Variants in OSBP2 observed in about 807,000 individuals in gnomAD.
OSBP2 encodes the protein oxysterol-binding protein 2.
Under a neutral mutation model 96.0 loss-of-function variants are expected in OSBP2, and 66 were observed. The ratio of observed to expected loss-of-function variants is 0.69; its 90% CI spans 0.56 to 0.84. OSBP2 has a LOEUF of 0.84. OSBP2 is among the 40% of genes least tolerant of loss of function. The probability of loss-of-function intolerance (pLI) is 0.00; values close to 1 mark genes in which losing one functional copy is unlikely to be tolerated. For synonymous variants in OSBP2, 525 were observed against 520.9 expected (o/e 1.01, Z -0.11); for missense variants, 1,038 against 1,222.7 (o/e 0.85, Z 2.25).
chr22:30,897,441 A>G (rs1458808578), intron 12 of OSBP2, among the ~76,000 whole-genome samples: 1 of 152,228 alleles, frequency 6.6e-6, no homozygotes, highest in Non-Finnish European at 1.5e-5. Context: ...GCAAAAACTG[A>G]TTGTGTAGTA....
intron 2 of OSBP2, among the ~76,000 whole-genome samples, chr22:30,860,463 C>G (rs17820330): frequency 0.14 from 21,632 of 152,262 alleles, 1,765 homozygotes; most frequent in Admixed American, 0.21. Flanking sequence ...TGCTGTCAAA[C>G]AGGGCTCAGG....
At chr22:30,708,325 T>C (rs985513014) in intron 1 of OSBP2, among the ~76,000 whole-genome samples, 1 of 152,128 alleles carries the variant, frequency 6.6e-6, no homozygotes, top group Non-Finnish European at 1.5e-5. Flanking sequence ...AATAGCATAA[T>C]GAAACCCCAT....
Position 30,870,605 on chromosome 22 carries a change from T to C in OSBP2, c.1030T>C (p.Ser344Pro), listed in dbSNP as rs367883542. Residue 344 changes from serine (S) to proline (P), a missense_variant, in exon 3 of 14, where the codon TCT becomes CCT. This residue lies in a region of OSBP2 where 737 missense variants were observed against 913.3 expected (regional missense o/e 0.81). Transcript: ENST00000332585. This position sits in a 1 kb window ranked among gnomAD's most constrained non-coding sequence, Gnocchi z 4.1. The part of the protein sequence containing the change: ...LTELDGLKIP[S>P]ESGEKLKVVN... The stretch of plus-strand genomic sequence containing the variant: ...AGAGCTGGACGGCCTCAAGATCCCA[T>C]CTGAGAGTGGGGAGAAGCTGAAGGT... The C allele has an allele frequency of 3.1e-6, 5 of 1,613,808 alleles. No individual in the cohort carries two copies. The highest frequency in any genetic ancestry group is 4.2e-6 in the Non-Finnish European group (5 of 1,179,898).
chr22:30,701,225 T>G (rs1436978796), intron 1 of OSBP2, among the ~76,000 whole-genome samples: 5 of 152,158 alleles, frequency 3.3e-5, no homozygotes, highest in Non-Finnish European at 7.3e-5. Context: ...GGATAGATTG[T>G]GTACTCACCC....
At chr22:30,750,094 T>C (rs1409576935) in intron 2 of OSBP2, among the ~76,000 whole-genome samples, 3 of 152,170 alleles carry the variant, frequency 2.0e-5, no homozygotes, top group African/African-American at 4.8e-5. Flanking sequence ...TGGGCTAAGT[T>C]TGCATTTCTC....
chr22:30,906,256 G>C lies in OSBP2; in HGVS notation c.2668G>C (p.Gly890Arg), dbSNP rs200815730. The change falls in exon 14 of 14, where the codon GGG becomes CGG. Residue 890 changes from glycine (G) to arginine (R), a missense_variant. This residue lies in a region of OSBP2 where 737 missense variants were observed against 913.3 expected (regional missense o/e 0.81). Coordinates refer to ENST00000332585, the MANE Select transcript of OSBP2 (RefSeq NM_030758.4). ...WFEKRLDPLT[G>R]EMACVYKGGY... is the part of the protein sequence containing the mutation. ...TGAGAAGAGGCTGGATCCGCTGACC[G>C]GGGAGATGGCCTGTGTGTACAAGGG... 1.8e-5 allele frequency: 29 copies of C among 1,614,152 alleles called. No homozygotes were observed. In the Admixed American group the frequency reaches 3.2e-4, roughly 18 times the overall value.
At chr22:30,842,001 A>G (rs2038762372) in intron 2 of OSBP2, among the ~76,000 whole-genome samples, 2 of 152,026 alleles carry the variant, frequency 1.3e-5, no homozygotes, top group Admixed American at 6.5e-5. Flanking sequence ...GCTGGAGTGC[A>G]GTGGAGAGGT....
intron 3 of OSBP2, among the ~76,000 whole-genome samples, chr22:30,876,132 C>T (rs772225712): frequency 1.3e-5 from 2 of 152,246 alleles, no homozygotes; most frequent in African/African-American, 2.4e-5. Flanking sequence ...AGGGCCGAGG[C>T]AGCAGACACA....
rs540044384 is a variant in OSBP2, at chr22:30,869,794, C to G, written c.854-635C>G. 4.7e-4 allele frequency among the ~76,000 whole-genome samples: 72 copies of G among 152,162 alleles called. 1 individual carries two copies. In the South Asian group the frequency reaches 0.015, roughly 31 times the overall value. On this transcript the variant is annotated intron_variant, in intron 2 of 13. Coordinates refer to ENST00000332585, the MANE Select transcript of OSBP2 (RefSeq NM_030758.4). ...CAGAAGGTGGCATTGGGCTGGCCCTCAAAGGGGTGGGTGGGGCAGGACCTC... is the reference window on the plus strand; with the variant it reads ...CAGAAGGTGGCATTGGGCTGGCCCTGAAAGGGGTGGGTGGGGCAGGACCTC...
At chr22:30,891,935 AAG>A (rs2039957639) in intron 8 of OSBP2, among the ~76,000 whole-genome samples, 1 of 152,156 alleles carries the variant, frequency 6.6e-6, no homozygotes, top group Non-Finnish European at 1.5e-5. Flanking sequence ...CTCTTTTAGA[AAG>A]GGGGTGGTCA....
At chr22:30,861,788 C>A (rs61642432) in intron 2 of OSBP2, among the ~76,000 whole-genome samples, 1 of 152,164 alleles carries the variant, frequency 6.6e-6, no homozygotes, top group Admixed American at 6.5e-5. Flanking sequence ...GAAGGACTGG[C>A]TGTGCCTCAG....
Position 30,789,200 on chromosome 22 carries a change from T to C in OSBP2, c.853+47831T>C, listed in dbSNP as rs543747562. On this transcript the variant is annotated intron_variant, in intron 2 of 13. Transcript: ENST00000332585. The stretch of plus-strand genomic sequence containing the variant: ...CTGGTGCTGAGTGGTGAAAGTTTTG[T>C]TGCATCCTCTTAGAAGAACTTCAGT... Among the ~76,000 whole-genome samples, 99 of 152,198 alleles carry C rather than the reference T, an allele frequency of 6.5e-4. 1 individual carries two copies. The highest frequency in any genetic ancestry group is 1.2e-3 in the Non-Finnish European group (83 of 68,034).
chr22:30,902,131 AAAAAAAACC>A, intron 12 of OSBP2: 4 of 98,908 alleles, frequency 4.0e-5, no homozygotes, highest in African/African-American at 1.9e-4. Flanking sequence ...AAAACGAAAA[AAAAAAAACC>A]AAAAAAAAAA....
intron 1 of OSBP2, among the ~76,000 whole-genome samples, chr22:30,703,544 T>G (rs572179649): frequency 6.6e-6 from 1 of 151,996 alleles, no homozygotes; most frequent in East Asian, 1.9e-4. Flanking sequence ...GGCACGATCC[T>G]GGCTCACCAC....
At chr22:30,809,811 G>T (rs1286691880) in intron 2 of OSBP2, among the ~76,000 whole-genome samples, 1 of 152,208 alleles carries the variant, frequency 6.6e-6, no homozygotes, top group Non-Finnish European at 1.5e-5. Context: ...GCTGGTCGAG[G>T]TGGAGAAGAC....
chr22:30,873,667 A>G (rs1373825014), intron 3 of OSBP2, among the ~76,000 whole-genome samples: 1 of 152,188 alleles, frequency 6.6e-6, no homozygotes, highest in African/African-American at 2.4e-5. Flanking sequence ...CCGTGCCTGC[A>G]TTAGGGAAAT....
chr22:30,771,450 A>G (rs2090346200), intron 2 of OSBP2, among the ~76,000 whole-genome samples: 1 of 152,172 alleles, frequency 6.6e-6, no homozygotes, highest in Non-Finnish European at 1.5e-5. Context: ...AGTCCAGTGG[A>G]GGCTGGCTCT....
intron 3 of OSBP2, among the ~76,000 whole-genome samples, chr22:30,876,452 C>T (rs2039580030): frequency 6.6e-6 from 1 of 152,264 alleles, no homozygotes; most frequent in African/African-American, 2.4e-5. Context: ...TGCCGTCCCC[C>T]TCAGGGAACC....
intron 2 of OSBP2, among the ~76,000 whole-genome samples, chr22:30,805,214 G>T (rs955866642): frequency 5.1e-4 from 78 of 152,308 alleles, no homozygotes; most frequent in African/African-American, 1.8e-3. Context: ...CTGCATTTAT[G>T]CACAGTTATA....
Sources: gnomAD v4.1 joint callset for allele counts (sites outside exome capture counted in the v4.1 genomes callset) on GRCh38, gnomAD v4.1.1 for gene constraint, gnomAD v4.1.1 regional missense constraint, Gnocchi (gnomAD v3.1) non-coding constraint, MANE v1.5 for transcripts, NCBI Gene and HGNC (gene_info 2026-07-23, HGNC 2026-07-21) for gene names.